The following SLC47A2 variants were observed in gnomAD, a reference collection of about 807,000 sequenced individuals.
SLC47A2 encodes solute carrier family 47 member 2.
SLC47A2 carries 52 observed loss-of-function variants against 67.7 expected under a neutral mutation model. The observed-to-expected ratio is 0.77, with a 90% CI of 0.61 to 0.97. SLC47A2 has a LOEUF of 0.97. SLC47A2 is among the 50% of genes least tolerant of loss of function. SLC47A2 has a pLI of 0.00. For missense variants in SLC47A2, 676 were observed against 712.3 expected (o/e 0.95, Z 0.58); for synonymous variants, 278 against 292.9 (o/e 0.95, Z 0.52).
At chr17:19,702,211 G>T (rs2085803370) in intron 13 of SLC47A2, 4 of 985,346 alleles carry the variant, frequency 4.1e-6, no homozygotes, top group Non-Finnish European at 4.8e-6. Context: ...TTCTGGGTGG[G>T]CTCGTTCCCT....
intron 13 of SLC47A2, among the ~76,000 whole-genome samples, chr17:19,688,278 G>A (rs1367307205): frequency 6.6e-6 from 1 of 151,922 alleles, no homozygotes; most frequent in Non-Finnish European, 1.5e-5. Flanking sequence ...GATTTCAATT[G>A]ATGCTGAAAA....
At position 19,708,416 on chromosome 17, in the gene SLC47A2, C is replaced by G; in HGVS notation, c.532-17G>C. ...GGTGATCTTCTGAAATAAATGAAAA[C>G]TGGCCCTGCTAAGGTGTGAGTGAGA... is the stretch of plus-strand genomic sequence containing the variant. On this transcript the variant is annotated splice_polypyrimidine_tract_variant and intron_variant, in intron 6 of 16. Transcript: ENST00000433844. 1.2e-6 allele frequency: 2 copies of G among 1,614,166 alleles called. No homozygotes were observed. The highest frequency in any genetic ancestry group is 8.5e-7 in the Non-Finnish European group (1 of 1,180,036).
chr17:19,687,848 T>G (rs1178585690), intron 13 of SLC47A2, among the ~76,000 whole-genome samples: 2 of 152,130 alleles, frequency 1.3e-5, no homozygotes, highest in African/African-American at 4.8e-5. Flanking sequence ...GCTGTAATAA[T>G]AAGTCTCCTA....
At chr17:19,680,429 G>T (rs1396183706) in intron 15 of SLC47A2, among the ~76,000 whole-genome samples, 1 of 152,170 alleles carries the variant, frequency 6.6e-6, no homozygotes, top group African/African-American at 2.4e-5. Context: ...GCATTGAGCC[G>T]AGATTGTACC....
rs751295704 is a variant in SLC47A2 at position 19,678,476 on chromosome 17, G to T, written c.*210C>A. Reference sequence around the variant, plus strand: ...CTGTAGAGCAGTCCAAGTCACAGAAGAAAACTCCAGCTTGACCAGAACAGA... The same window carrying T: ...CTGTAGAGCAGTCCAAGTCACAGAATAAAACTCCAGCTTGACCAGAACAGA... On this transcript the variant is annotated 3_prime_UTR_variant, in exon 17 of 17. Coordinates refer to ENST00000433844, the MANE Select transcript of SLC47A2 (RefSeq NM_001099646.3). 1.0e-5 allele frequency: 6 copies of T among 592,074 alleles called. No individual in the cohort carries two copies. The highest frequency in any genetic ancestry group is 3.0e-5 in the Admixed American group (1 of 33,642). The allele number at this position is 592,074 out of a possible 1,614,324, so 36.7% of individuals were successfully genotyped here.
At chr17:19,706,221 T>C (rs1230849827) in intron 9 of SLC47A2, among the ~76,000 whole-genome samples, 1 of 152,130 alleles carries the variant, frequency 6.6e-6, no homozygotes, top group East Asian at 1.9e-4. Context: ...AGTCCTCACT[T>C]CACCGAGTGC....
In SLC47A2 at chr17:19,693,271, C is replaced by T. The variant is rs150339834; in HGVS notation, c.1164+9334G>A. ...AACCACATGATTATCTCAATAGAAG[C>T]AGAAAAAGCATTCCGCAAAATCTAG... On this transcript the variant is annotated intron_variant, in intron 13 of 16. Transcript: ENST00000433844. Among the ~76,000 whole-genome samples the T allele has an allele frequency of 2.0e-3, 310 of 152,112 alleles. 4 individuals carry two copies. The East Asian group carries it at 0.048, about 23-fold the overall frequency.
At chr17:19,708,932 C>G (rs2152356666) in intron 5 of SLC47A2, among the ~76,000 whole-genome samples, 172 bp from the exon 6 acceptor site, 1 of 152,372 alleles carries the variant, frequency 6.6e-6, no homozygotes, top group African/African-American at 2.4e-5. Flanking sequence ...CACCTGGACT[C>G]ATGCTCGGGC....
At chr17:19,705,944 C>T (rs1244869012) in intron 9 of SLC47A2, among the ~76,000 whole-genome samples, 4 of 152,198 alleles carry the variant, frequency 2.6e-5, no homozygotes, top group Non-Finnish European at 2.9e-5. Flanking sequence ...AAAGACATTC[C>T]TGCCTGGCCT....
chr17:19,699,603 A>G lies in SLC47A2; in HGVS notation c.1164+3002T>C, dbSNP rs571408828. On this transcript the variant is annotated intron_variant, in intron 13 of 16. Coordinates refer to ENST00000433844, the MANE Select transcript of SLC47A2 (RefSeq NM_001099646.3). ...ACTTTTGTAGAGATAGGGTCTCCCT[A>G]TGTTGCCCAGGCTGGTCTCAAACTC... Among the ~76,000 whole-genome samples, 9 of 151,174 alleles carry G rather than the reference A, an allele frequency of 6.0e-5. No individual in the cohort carries two copies. The East Asian group carries it at 1.8e-3, about 30-fold the overall frequency.
chr17:19,678,352 T>G lies in SLC47A2; in HGVS notation c.*334A>C. The G allele has an allele frequency of 3.8e-6, 1 of 263,238 alleles. No homozygotes were observed. The highest frequency in any genetic ancestry group is 7.4e-6 in the Non-Finnish European group (1 of 135,264). 16.3% of individuals were successfully genotyped at this position (263,238 alleles called of 1,614,324 possible). On this transcript the variant is annotated 3_prime_UTR_variant, in exon 17 of 17. Transcript: ENST00000433844. ...GTGTAATCTTTAATATAACAGTGGT[T>G]TTTGTGATTTTATCTGCAGTGTCCC...
At chr17:19,714,686 C>A (rs747451933) in intron 3 of SLC47A2, 35 bp downstream of exon 3, 2 of 1,612,888 alleles carry the variant, frequency 1.2e-6, no homozygotes, top group East Asian at 2.2e-5. Flanking sequence ...TCTGCCCTTG[C>A]CTGGCTTCCT....
At position 19,685,447 on chromosome 17, in the gene SLC47A2, T is replaced by A. The variant is rs1215645124; in HGVS notation, c.1165-3777A>T. Among the ~76,000 whole-genome samples, 1 of 151,552 alleles carries A rather than the reference T, an allele frequency of 6.6e-6. No individual in the cohort carries two copies. The highest frequency in any genetic ancestry group is 1.5e-5 in the Non-Finnish European group (1 of 67,862). ...TCATCTGGGATGTGAGGAGCCCCTC[T>A]GCCTGGCCGCCCCGTCTGGGAAGTG... On this transcript the variant is annotated intron_variant, in intron 13 of 16. Transcript: ENST00000433844. The surrounding 1 kb of genome is among the most constrained non-coding windows in gnomAD (Gnocchi z 4.5).
intron 13 of SLC47A2, among the ~76,000 whole-genome samples, chr17:19,701,388 G>A (rs1322615252): frequency 4.6e-5 from 7 of 152,078 alleles, no homozygotes; most frequent in African/African-American, 1.7e-4. Context: ...TTAGCGAACT[G>A]GATGGAGTAC....
At chr17:19,700,370 C>T (rs2085756278) in intron 13 of SLC47A2, among the ~76,000 whole-genome samples, 1 of 152,170 alleles carries the variant, frequency 6.6e-6, no homozygotes, top group Non-Finnish European at 1.5e-5. Context: ...GCCCTCAGGC[C>T]CTGGTAACTG....
Position 19,681,565 on chromosome 17 carries a change from T to C in SLC47A2, c.1270A>G (p.Thr424Ala), listed in dbSNP as rs753371039. ...IIGLPLGILL[T>A]FVVRMRIMGL... ...ATGATTCTCATTCTGACCACAAAGG[T>C]CAGAAGGATGCCCAGTGGTAGGCCG... The change falls in exon 14 of 17, where the codon ACC becomes GCC. Residue 424 changes from threonine (T) to alanine (A), a missense_variant. Physicochemically the swap from Thr to Ala is moderately conservative, Grantham distance 58. Coordinates refer to ENST00000433844, the MANE Select transcript of SLC47A2 (RefSeq NM_001099646.3). 13 of 1,613,858 alleles carry C rather than the reference T, an allele frequency of 8.1e-6. No homozygotes were observed. The East Asian group carries it at 2.5e-4, about 30-fold the overall frequency.
At chr17:19,709,306 C>T (rs1054154818) in intron 5 of SLC47A2, among the ~76,000 whole-genome samples, 1 of 152,290 alleles carries the variant, frequency 6.6e-6, no homozygotes, top group Non-Finnish European at 1.5e-5. Flanking sequence ...GGGGAGTGTA[C>T]GTGGCAGTGT....
intron 13 of SLC47A2, among the ~76,000 whole-genome samples, chr17:19,691,288 G>T (rs1179149308): frequency 1.3e-5 from 2 of 152,162 alleles, no homozygotes; most frequent in Non-Finnish European, 2.9e-5. Context: ...ATAGCGAAGA[G>T]ATACCTGCAC....
chr17:19,712,679 C>T (rs753152513), intron 5 of SLC47A2, 24 bp downstream of exon 5: 15 of 1,611,262 alleles, frequency 9.3e-6, no homozygotes, highest in Middle Eastern at 1.6e-4. Context: ...TGTGATTCCA[C>T]GCTCAGCAAA....
Sources: allele counts gnomAD v4.1 joint callset (sites outside exome capture counted in the v4.1 genomes callset), GRCh38; gene constraint gnomAD v4.1.1; non-coding constraint Gnocchi (gnomAD v3.1); transcripts MANE v1.5; gene names NCBI Gene and HGNC (gene_info 2026-07-23, HGNC 2026-07-21).